CLSTN2: variants seen among roughly 807,000 people sequenced by gnomAD.
CLSTN2 encodes the protein calsyntenin-2.
In CLSTN2, 48 loss-of-function variants were observed where a neutral mutation model predicts 101.2. That is an observed-to-expected ratio of 0.47 (90% CI 0.38 to 0.60). The LOEUF (loss-of-function observed/expected upper bound fraction) is 0.60, where lower values mean the gene tolerates loss of function less well. Ranked by LOEUF, CLSTN2 falls within the 20% of genes least tolerant of loss-of-function variation. CLSTN2 has a pLI of 0.00. For synonymous variants in CLSTN2, 481 were observed against 463.6 expected (o/e 1.04, Z -0.48); for missense variants, 1,160 against 1,238.2 (o/e 0.94, Z 0.95).
At chr3:140,422,185 TTCTTTC>T (rs1378194282) in intron 5 of CLSTN2, among the ~76,000 whole-genome samples, 2 of 70,690 alleles carry the variant, frequency 2.8e-5, no homozygotes, top group African/African-American at 6.1e-5. Flanking sequence ...TTTTCTCTCT[TTCTTTC>T]TCTCTCTCTC....
intron 1 of CLSTN2, among the ~76,000 whole-genome samples, chr3:140,012,620 C>T (rs193105265): frequency 2.6e-5 from 4 of 152,288 alleles, no homozygotes; most frequent in Admixed American, 1.3e-4. Context: ...CTCTTTCTAA[C>T]TCATGGGCAG....
intron 2 of CLSTN2, among the ~76,000 whole-genome samples, chr3:140,222,232 T>G (rs1443288035): frequency 2.0e-5 from 3 of 152,162 alleles, no homozygotes; most frequent in Non-Finnish European, 4.4e-5. Context: ...AGACAAACAT[T>G]GCATGTTCTC....
At position 140,299,765 on chromosome 3, in the gene CLSTN2, T is replaced by C. The variant is rs115488645; in HGVS notation, c.233-103864T>C. 8.2e-3 allele frequency among the ~76,000 whole-genome samples: 1,244 copies of C among 152,336 alleles called. 12 individuals carry two copies. The highest frequency in any genetic ancestry group is 0.027 in the African/African-American group (1,140 of 41,580). ...CATTGCCCAAAGTTCGTAATAAATA[T>C]GGTTTCTTCTTTGGCTATATTCTAT... On this transcript the variant is annotated intron_variant, in intron 2 of 16. Transcript: ENST00000458420.
chr3:139,938,140 C>CA (rs66697366), intron 1 of CLSTN2, among the ~76,000 whole-genome samples: 7,854 of 94,668 alleles, frequency 0.083, 275 homozygotes, highest in Middle Eastern at 0.1. Flanking sequence ...ATTCCCATCA[C>CA]AAAAAAAAAA....
At chr3:140,129,132 TAGTA>T (rs2009482870) in intron 1 of CLSTN2, among the ~76,000 whole-genome samples, 1 of 151,644 alleles carries the variant, frequency 6.6e-6, no homozygotes, top group Non-Finnish European at 1.5e-5. Flanking sequence ...GAGCCCAGTT[TAGTA>T]AGTGTTTATC....
intron 2 of CLSTN2, among the ~76,000 whole-genome samples, chr3:140,347,570 A>G (rs942756205): frequency 5.3e-5 from 8 of 152,246 alleles, no homozygotes; most frequent in African/African-American, 1.9e-4. Context: ...ATAAGGCCTC[A>G]GTGGATTATT....
chr3:140,349,776 C>T (rs895432830), intron 2 of CLSTN2, among the ~76,000 whole-genome samples: 1 of 152,240 alleles, frequency 6.6e-6, no homozygotes, highest in Non-Finnish European at 1.5e-5. Flanking sequence ...ACCTTGGCTC[C>T]ACGACAGTTT....
intron 1 of CLSTN2, among the ~76,000 whole-genome samples, chr3:140,019,546 T>C (rs2007266193): frequency 6.6e-6 from 1 of 152,244 alleles, no homozygotes; most frequent in South Asian, 2.1e-4. Context: ...AAACCCAGAC[T>C]AATACAGATG....
intron 1 of CLSTN2, among the ~76,000 whole-genome samples, chr3:140,132,866 C>T (rs1474018066): frequency 6.6e-6 from 1 of 151,942 alleles, no homozygotes; most frequent in African/African-American, 2.4e-5. Flanking sequence ...TTTGTTTTGT[C>T]TAAGATATTG....
intron 1 of CLSTN2, among the ~76,000 whole-genome samples, chr3:139,962,627 GACA>G (rs1935531588): frequency 6.6e-6 from 1 of 152,130 alleles, no homozygotes; most frequent in Admixed American, 6.5e-5. Context: ...AAAAAATAAT[GACA>G]ACATTTAAAA....
chr3:140,123,173 GT>G (rs2009371979), intron 1 of CLSTN2, among the ~76,000 whole-genome samples: 2 of 115,228 alleles, frequency 1.7e-5, no homozygotes, highest in Middle Eastern at 5.2e-3. Context: ...GGGCGGGGGG[GT>G]GGGGGGCGGG....
In CLSTN2 at chr3:140,562,094, A is replaced by C. The variant is rs1406944060; in HGVS notation, c.2042-44A>C. The C allele has an allele frequency of 1.9e-6, 3 of 1,584,450 alleles. No individual in the cohort carries two copies. In the Admixed American group the frequency reaches 5.0e-5, roughly 27 times the overall value. The stretch of plus-strand genomic sequence containing the variant: ...GGTGATTAGCAAGGGCTGTTTTCTG[A>C]GCTGTCCTTCATGCCTGCATTTCCC... On this transcript the variant is annotated intron_variant, in intron 12 of 16. Coordinates refer to ENST00000458420, the MANE Select transcript of CLSTN2 (RefSeq NM_022131.3).
intron 2 of CLSTN2, among the ~76,000 whole-genome samples, chr3:140,280,046 A>G (rs868570307): frequency 6.6e-6 from 1 of 152,218 alleles, no homozygotes; most frequent in African/African-American, 2.4e-5. Context: ...CTCTTTGCTT[A>G]CAGCCCTGGT....
intron 8 of CLSTN2, chr3:140,508,250 G>GAGTT (rs10671000): frequency 0.24 from 37,169 of 151,970 alleles, 7,824 homozygotes; most frequent in African/African-American, 0.58. Context: ...CGGCACTGCT[G>GAGTT]AGTTTGCTAG....
intron 4 of CLSTN2, among the ~76,000 whole-genome samples, chr3:140,416,813 G>A (rs1477226225): frequency 6.6e-6 from 1 of 152,224 alleles, no homozygotes; most frequent in African/African-American, 2.4e-5. Flanking sequence ...CCAATTGGCA[G>A]ATTTTCTACT....
chr3:140,338,589 A>G (rs147016908), intron 2 of CLSTN2, among the ~76,000 whole-genome samples: 180 of 152,354 alleles, frequency 1.2e-3, no homozygotes, highest in African/African-American at 4.2e-3. Flanking sequence ...AGTAGTGCTC[A>G]GTGAACGGTG....
chr3:139,944,513 CTCT>C (rs1241797420), intron 1 of CLSTN2, among the ~76,000 whole-genome samples: 2 of 152,208 alleles, frequency 1.3e-5, no homozygotes, highest in Non-Finnish European at 2.9e-5. Flanking sequence ...GGCTGTGCTC[CTCT>C]GTCTTTCACC....
chr3:140,467,099 G>A (rs2108021435), intron 8 of CLSTN2, among the ~76,000 whole-genome samples: 1 of 152,270 alleles, frequency 6.6e-6, no homozygotes, highest in South Asian at 2.1e-4. Context: ...TTCCCTTGGT[G>A]CTCTACTACC....
chr3:140,187,056 C>G (rs2010495236), intron 2 of CLSTN2, among the ~76,000 whole-genome samples: 1 of 152,150 alleles, frequency 6.6e-6, no homozygotes, highest in South Asian at 2.1e-4. Context: ...ACTGCATGGC[C>G]CTTGGCCCTT....
Sources: allele counts gnomAD v4.1 joint callset (sites outside exome capture counted in the v4.1 genomes callset), GRCh38; gene constraint gnomAD v4.1.1; transcripts MANE v1.5; gene names NCBI Gene and HGNC (gene_info 2026-07-23, HGNC 2026-07-21).